The following UBXN4 variants were observed in gnomAD, a reference collection of about 807,000 sequenced individuals.
UBXN4 encodes UBX domain-containing protein 4.
Under a neutral mutation model 66.2 loss-of-function variants are expected in UBXN4, and 35 were observed. That is an observed-to-expected ratio of 0.53 (90% CI 0.40 to 0.70). The LOEUF (loss-of-function observed/expected upper bound fraction) is 0.70. UBXN4 is among the 30% of genes least tolerant of loss of function. UBXN4 has a pLI of 0.00. For synonymous variants in UBXN4, 203 were observed against 204.5 expected, an observed-to-expected ratio of 0.99 and a Z score of 0.06; for missense variants, 533 against 599.8, an observed-to-expected ratio of 0.89 and a Z score of 1.16.
At chr2:135,782,023 C>T (rs1052253017) in intron 12 of UBXN4, among the ~76,000 whole-genome samples, 5 of 152,222 alleles carry the variant, frequency 3.3e-5, no homozygotes, top group East Asian at 1.9e-4. Flanking sequence ...TGTAGTGAAC[C>T]GTGATCGTGC....
chr2:135,777,466 A>G (rs1338610486), intron 10 of UBXN4, among the ~76,000 whole-genome samples: 1 of 152,140 alleles, frequency 6.6e-6, no homozygotes, highest in Non-Finnish European at 1.5e-5. Flanking sequence ...AACAGTCCCA[A>G]ATAGGTGCTT....
intron 6 of UBXN4, among the ~76,000 whole-genome samples, chr2:135,767,362 GA>G (rs1005931888): frequency 6.7e-6 from 1 of 148,702 alleles, no homozygotes; most frequent in African/African-American, 2.5e-5. Context: ...CCTTGTCTCG[GA>G]AAAAAAAAAT....
intron 6 of UBXN4, among the ~76,000 whole-genome samples, chr2:135,768,147 G>A (rs1221366334): frequency 6.6e-6 from 1 of 151,986 alleles, no homozygotes; most frequent in Non-Finnish European, 1.5e-5. Context: ...ATATTCACAA[G>A]GTTGTGCATC....
intron 2 of UBXN4, 94 bp from the exon 3 acceptor site, chr2:135,753,445 A>G (rs2077259255): frequency 9.2e-7 from 1 of 1,088,380 alleles, no homozygotes; most frequent in Non-Finnish European, 1.3e-6. Flanking sequence ...GCAGGAAAAT[A>G]CTTGTGATTG....
chr2:135,775,995 C>T (rs957608040), intron 9 of UBXN4, among the ~76,000 whole-genome samples: 4 of 152,198 alleles, frequency 2.6e-5, no homozygotes, highest in African/African-American at 9.7e-5. Flanking sequence ...TCTTGAACTC[C>T]TGACCTCAGG....
chr2:135,755,552 T>C lies in UBXN4; in HGVS notation c.369T>C (p.Asn123=), dbSNP rs1312159149. 9.4e-6 allele frequency: 15 copies of C among 1,597,896 alleles called. No individual in the cohort carries two copies. In the East Asian group the frequency reaches 3.4e-4, roughly 36 times the overall value. Residue 123 remains asparagine, a synonymous_variant, in exon 5 of 13, where the codon AAT becomes AAC. Coordinates refer to ENST00000272638, the MANE Select transcript of UBXN4 (RefSeq NM_014607.4). The part of the protein sequence containing the change: ...HLLKSETSVA[N]GSQSESSVST... ...TAAAAAGTGAAACATCAGTAGCAAA[T>C]GGCAGTCAGTCAGAAAGTTCAGTGT...
intron 4 of UBXN4, among the ~76,000 whole-genome samples, chr2:135,754,647 C>A (rs978435092): frequency 6.6e-6 from 1 of 151,798 alleles, no homozygotes; most frequent in African/African-American, 2.4e-5. Context: ...TTTTGGAGCC[C>A]CTCTGTATAT....
Position 135,741,947 on chromosome 2 carries a change from C to T in UBXN4, c.18C>T (p.Gly6=). The change falls in exon 1 of 13, where the codon GGC becomes GGT. Residue 6 remains glycine (G), a synonymous_variant. Transcript: ENST00000272638. MLWFQ[G]AIPAAIATAK... ...AGGGAGCGATGCTGTGGTTCCAGGG[C>T]GCCATTCCGGCCGCCATCGCGACGG... The T allele has an allele frequency of 1.2e-6, 2 of 1,613,036 alleles. No individual in the cohort carries two copies. The highest frequency in any genetic ancestry group is 1.1e-5 in the South Asian group (1 of 90,958).
intron 12 of UBXN4, among the ~76,000 whole-genome samples, chr2:135,781,776 T>G (rs1163947174): frequency 6.6e-6 from 1 of 152,224 alleles, no homozygotes; most frequent in East Asian, 1.9e-4. Context: ...GTATGGATTT[T>G]TAAAACTTTT....
chr2:135,780,304 ATCCGCC>A lies in UBXN4; in HGVS notation c.1311_1316del (p.Pro438_Pro439del), dbSNP rs1285228974. 2 of 1,614,032 alleles carry A rather than the reference ATCCGCC, an allele frequency of 1.2e-6. No individual in the cohort carries two copies. The highest frequency in any genetic ancestry group is 1.7e-6 in the Non-Finnish European group (2 of 1,180,040). Reference sequence around the variant, plus strand: ...TTAATTAGCAATTTCTTGTTTAGTAATCCGCCTCCCACACAGACTTCAGTGAGAGTA... The same window carrying A: ...TTAATTAGCAATTTCTTGTTTAGTAATCCCACACAGACTTCAGTGAGAGTA... On this transcript the variant is annotated inframe_deletion, in exon 12 of 13. Transcript: ENST00000272638.
At position 135,783,228 on chromosome 2, in the gene UBXN4, C is replaced by T. The variant is rs1406760099; in HGVS notation, c.*341C>T. 6.1e-6 allele frequency: 1 copy of T among 163,542 alleles called. No homozygotes were observed. The highest frequency in any genetic ancestry group is 2.4e-5 in the African/African-American group (1 of 41,908). 10.1% of individuals were successfully genotyped at this position (163,542 alleles called of 1,614,324 possible). A position where few individuals can be genotyped will look rare whatever the true frequency, so the allele number is the denominator to read the frequency against. On this transcript the variant is annotated 3_prime_UTR_variant, in exon 13 of 13. Transcript: ENST00000272638. ...CGTTTTGTTTAGAGCTACTTTGCTC[C>T]AAGACTCTTAAGCCCAAAGTAACTG...
intron 2 of UBXN4, among the ~76,000 whole-genome samples, chr2:135,752,216 T>G (rs1429146347): frequency 6.6e-6 from 1 of 151,988 alleles, no homozygotes; most frequent in Non-Finnish European, 1.5e-5. Flanking sequence ...CCCAGCTAAT[T>G]TTTTGTATTT....
chr2:135,743,940 G>A (rs1448275355), intron 1 of UBXN4, among the ~76,000 whole-genome samples: 1 of 152,134 alleles, frequency 6.6e-6, no homozygotes, highest in Non-Finnish European at 1.5e-5. Flanking sequence ...AATGACTCTT[G>A]AATGTTTGCA....
intron 2 of UBXN4, among the ~76,000 whole-genome samples, chr2:135,752,432 A>G (rs781054762): frequency 1.4e-4 from 21 of 150,546 alleles, no homozygotes; most frequent in Admixed American, 6.6e-5. Flanking sequence ...ACCTGCCTTG[A>G]CCTCCCAAAT....
intron 6 of UBXN4, among the ~76,000 whole-genome samples, chr2:135,769,475 T>G (rs1376325967): frequency 6.6e-6 from 1 of 152,108 alleles, no homozygotes; most frequent in East Asian, 1.9e-4. Flanking sequence ...TTTATGTATT[T>G]GTTTGAAAAT....
intron 5 of UBXN4, among the ~76,000 whole-genome samples, chr2:135,757,146 A>G (rs1234764801): frequency 2.0e-5 from 3 of 152,302 alleles, no homozygotes; most frequent in South Asian, 2.1e-4. Context: ...AATGAATTAC[A>G]TGTATATTAG....
intron 6 of UBXN4, among the ~76,000 whole-genome samples, chr2:135,762,515 A>G (rs956851890): frequency 6.6e-6 from 1 of 152,204 alleles, no homozygotes; most frequent in African/African-American, 2.4e-5. Context: ...ATTCCTTAGC[A>G]TTTAAAAATT....
chr2:135,742,347 C>T (rs2077180262), intron 1 of UBXN4, among the ~76,000 whole-genome samples: 1 of 152,196 alleles, frequency 6.6e-6, no homozygotes, highest in Admixed American at 6.5e-5. Context: ...CGCTGCGTCT[C>T]CCGGCAGCCG....
intron 1 of UBXN4, 57 bp downstream of exon 1, chr2:135,742,068 C>T (rs2077177816): frequency 5.7e-6 from 9 of 1,586,210 alleles, no homozygotes; most frequent in Non-Finnish European, 7.7e-6. Context: ...CTACCTTCAT[C>T]CTCTTGTATA....
Sources: allele counts gnomAD v4.1 joint callset (sites outside exome capture counted in the v4.1 genomes callset), GRCh38; gene constraint gnomAD v4.1.1; transcripts MANE v1.5; gene names NCBI Gene and HGNC (gene_info 2026-07-23, HGNC 2026-07-21).